The following COL4A3 variants were observed in gnomAD, a reference collection of about 807,000 sequenced individuals.
The protein encoded by COL4A3 is collagen alpha-3(IV) chain.
Under a neutral mutation model 217.4 loss-of-function variants are expected in COL4A3, and 135 were observed. The ratio of observed to expected loss-of-function variants is 0.62; its 90% CI spans 0.54 to 0.72. COL4A3 has a LOEUF of 0.72. Ranked by LOEUF, COL4A3 falls within the 30% of genes least tolerant of loss-of-function variation. COL4A3 has a pLI of 0.00. For synonymous variants in COL4A3, 690 were observed against 736.3 expected (o/e 0.94, Z 1.02); for missense variants, 1,868 against 2,119.9 (o/e 0.88, Z 2.33).
chr2:227,167,373 C>T (rs1325433869), intron 1 of COL4A3, among the ~76,000 whole-genome samples: 1 of 152,248 alleles, frequency 6.6e-6, no homozygotes, highest in African/African-American at 2.4e-5. Flanking sequence ...TTTGCACAGG[C>T]ATCCAGTTCC....
At chr2:227,263,236 G>A (rs2070699510) in intron 20 of COL4A3, among the ~76,000 whole-genome samples, 1 of 152,224 alleles carries the variant, frequency 6.6e-6, no homozygotes, top group Non-Finnish European at 1.5e-5. Flanking sequence ...TAGTTAAACT[G>A]TTTGTGGGAC....
chr2:227,214,479 G>C (rs1007953564), intron 1 of COL4A3, among the ~76,000 whole-genome samples: 2 of 152,172 alleles, frequency 1.3e-5, no homozygotes, highest in African/African-American at 4.8e-5. Flanking sequence ...AAATGAAGTT[G>C]CATTTTCATA....
chr2:227,264,333 C>T (rs2070765307), intron 21 of COL4A3, among the ~76,000 whole-genome samples: 2 of 152,146 alleles, frequency 1.3e-5, no homozygotes, highest in African/African-American at 4.8e-5. Context: ...TCAAAGATTT[C>T]CCCCCAAGAG....
chr2:227,184,006 C>G (rs2065937069), intron 1 of COL4A3, among the ~76,000 whole-genome samples: 1 of 152,104 alleles, frequency 6.6e-6, no homozygotes, highest in African/African-American at 2.4e-5. Context: ...TATGTGCTGC[C>G]CCCATGTCAT....
intron 41 of COL4A3, 49 bp from the exon 42 acceptor site, chr2:227,297,625 C>T (rs1227895927): frequency 6.4e-7 from 1 of 1,554,148 alleles, no homozygotes; most frequent in Non-Finnish European, 8.7e-7. Context: ...AGAACTCTAA[C>T]CCAAGCATAT....
intron 9 of COL4A3, among the ~76,000 whole-genome samples, chr2:227,249,668 T>G (rs1237294017): frequency 2.0e-5 from 3 of 152,072 alleles, no homozygotes; most frequent in Non-Finnish European, 4.4e-5. Flanking sequence ...TAACTGAGGA[T>G]GTGAAGTTAG....
chr2:227,229,941 C>T (rs1276326446), intron 1 of COL4A3, among the ~76,000 whole-genome samples: 1 of 151,718 alleles, frequency 6.6e-6, no homozygotes, highest in South Asian at 2.1e-4. Flanking sequence ...GTCCCAGCTA[C>T]TCGGGAGACT....
chr2:227,173,736 A>G lies in COL4A3; in HGVS notation c.87+8923A>G, dbSNP rs149128581. Among the ~76,000 whole-genome samples, 997 of 152,364 alleles carry G rather than the reference A, an allele frequency of 6.5e-3. 5 individuals are homozygous for G. Among genetic ancestry groups the G allele is most frequent in the African/African-American group, 0.023 (953 of 41,588 alleles). On this transcript the variant is annotated intron_variant, in intron 1 of 51. Transcript: ENST00000396578. The stretch of plus-strand genomic sequence containing the variant: ...ATTTTAATATGTTTTATTTATACCA[A>G]TACATCTGTAATATTATCATTTTAA...
At chr2:227,245,445 T>C (rs1225858735) in intron 5 of COL4A3, among the ~76,000 whole-genome samples, 1 of 152,206 alleles carries the variant, frequency 6.6e-6, no homozygotes, top group Non-Finnish European at 1.5e-5. Context: ...GTATAAGTCA[T>C]GTGCAAATAC....
chr2:227,267,063 G>C lies in COL4A3; in HGVS notation c.1479G>C (p.Gly493=). 6.2e-7 allele frequency: 1 copy of C among 1,613,904 alleles called. No homozygotes were observed. Among genetic ancestry groups the C allele is most frequent in the Non-Finnish European group, 8.5e-7 (1 of 1,179,844 alleles). ...PGPPGLPGLP[G]LHGVKGIPGR... ...CTCCCGGTCTCCCAGGATTGCCAGG[G>C]TTACATGGTGTAAAAGGAATCCCAG... The change falls in exon 23 of 52, where the codon GGG becomes GGC. Residue 493 remains glycine, a synonymous_variant. Coordinates refer to ENST00000396578, the MANE Select transcript of COL4A3 (RefSeq NM_000091.5).
Position 227,298,665 on chromosome 2 carries a change from A to T in COL4A3, c.3752-17A>T, listed in dbSNP as rs747663590. ...GCTCCCTGGCTGGCAATACTGACAG[A>T]CTTTTCATGAATTCAGGTGCGCCTG... On this transcript the variant is annotated splice_polypyrimidine_tract_variant and intron_variant, in intron 42 of 51. Coordinates refer to ENST00000396578, the MANE Select transcript of COL4A3 (RefSeq NM_000091.5). 1 of 1,613,552 alleles carries T rather than the reference A, an allele frequency of 6.2e-7. No individual in the cohort carries two copies. The highest frequency in any genetic ancestry group is 1.1e-5 in the South Asian group (1 of 91,026).
intron 1 of COL4A3, among the ~76,000 whole-genome samples, chr2:227,197,389 G>A (rs1328499352): frequency 1.3e-5 from 2 of 151,966 alleles, no homozygotes; most frequent in Non-Finnish European, 2.9e-5. Context: ...GTCCTTATCA[G>A]CAGCCTGAAA....
chr2:227,239,036 CTTG>C (rs2068863775), intron 2 of COL4A3, among the ~76,000 whole-genome samples: 1 of 152,134 alleles, frequency 6.6e-6, no homozygotes, highest in Admixed American at 6.5e-5. Context: ...AAATAGCTGA[CTTG>C]TTCTTTTTTG....
chr2:227,258,096 G>T (rs1411530245), intron 18 of COL4A3, among the ~76,000 whole-genome samples: 2 of 152,186 alleles, frequency 1.3e-5, no homozygotes, highest in Non-Finnish European at 2.9e-5. Flanking sequence ...ACATGTATTT[G>T]ATGTCAGCTC....
intron 23 of COL4A3, 144 bp from the exon 24 acceptor site, chr2:227,269,766 C>G: frequency 2.9e-6 from 2 of 690,552 alleles, no homozygotes; most frequent in Admixed American, 4.3e-5. Flanking sequence ...TACTCCCATT[C>G]TCTTATTGCA....
rs900982258 is a variant in COL4A3, at chr2:227,313,844, A to C, written c.*1974A>C. ...AACCCTCTGTAGGCCAGTAGTTCTC[A>C]AAGTGTGGTCTCTGGAAGAGCAGTA... On this transcript the variant is annotated 3_prime_UTR_variant, in exon 52 of 52. Transcript: ENST00000396578. 5 of 152,346 alleles carry C rather than the reference A, an allele frequency of 3.3e-5. No individual in the cohort carries two copies. Among genetic ancestry groups the C allele is most frequent in the Admixed American group, 1.3e-4 (2 of 15,298 alleles). 9.4% of individuals were successfully genotyped at this position (152,346 alleles called of 1,614,324 possible).
intron 19 of COL4A3, among the ~76,000 whole-genome samples, chr2:227,260,238 C>T (rs748322811): frequency 6.6e-6 from 1 of 152,194 alleles, no homozygotes; most frequent in African/African-American, 2.4e-5. Flanking sequence ...CAAGGGGGAA[C>T]TGAAACCCTG....
chr2:227,285,032 T>C (rs1300865746), intron 34 of COL4A3, among the ~76,000 whole-genome samples: 2 of 152,018 alleles, frequency 1.3e-5, no homozygotes, highest in African/African-American at 4.8e-5. Context: ...CAAGCAACTT[T>C]AGAAAAACAG....
intron 1 of COL4A3, among the ~76,000 whole-genome samples, chr2:227,229,295 T>C (rs6722427): frequency 0.32 from 48,753 of 152,108 alleles, 8,250 homozygotes; most frequent in Non-Finnish European, 0.36. Context: ...ACCATTGGGG[T>C]CTCTAACCAA....
Sources: gnomAD v4.1 joint callset for allele counts (sites outside exome capture counted in the v4.1 genomes callset) on GRCh38, gnomAD v4.1.1 for gene constraint, MANE v1.5 for transcripts, NCBI Gene and HGNC (gene_info 2026-07-23, HGNC 2026-07-21) for gene names.